WDFY3: variants seen among roughly 807,000 people sequenced by gnomAD.
WDFY3 encodes WD repeat and FYVE domain containing 3.
In WDFY3, 66 loss-of-function variants were observed where a neutral mutation model predicts 409.6. The observed-to-expected ratio is 0.16, with a 90% CI of 0.13 to 0.20. The LOEUF (loss-of-function observed/expected upper bound fraction) is 0.20. Ranked by LOEUF, WDFY3 falls within the 10% of genes least tolerant of loss-of-function variation. The pLI is 1.00. For synonymous variants in WDFY3, 1,521 were observed against 1,537.1 expected, an observed-to-expected ratio of 0.99 and a Z score of 0.25; for missense variants, 3,031 against 4,298.1, an observed-to-expected ratio of 0.71 and a Z score of 8.24.
At chr4:84,843,587 C>T (rs1006935442) in intron 5 of WDFY3, among the ~76,000 whole-genome samples, 4 of 152,038 alleles carry the variant, frequency 2.6e-5, no homozygotes, top group Admixed American at 6.6e-5. Context: ...TTTGTAGAGA[C>T]AGAGTATCGC....
chr4:84,819,399 T>C (rs1180363685), intron 12 of WDFY3, among the ~76,000 whole-genome samples: 2 of 152,038 alleles, frequency 1.3e-5, no homozygotes, highest in Admixed American at 6.6e-5. Context: ...TCAAGCTCCT[T>C]ACCATGGCCT....
chr4:84,798,097 C>T lies in WDFY3; in HGVS notation c.2834G>A (p.Arg945His), dbSNP rs766953747. 6.2e-7 allele frequency: 1 copy of T among 1,611,264 alleles called. No individual in the cohort carries two copies. Among genetic ancestry groups the T allele is most frequent in the Non-Finnish European group, 8.5e-7 (1 of 1,178,848 alleles). The change falls in exon 18 of 68, where the codon CGT becomes CAT. Residue 945 changes from arginine to histidine, a missense_variant. Transcript: ENST00000295888. ...ACCACAATTTAAAGGACTTGCCAAA[C>T]GTAAAAACTCCCTAAGAAAGAGACA... ...LEPMVLREFL[R>H]LASPLNCGAW...
rs1320472102 is a variant in WDFY3, at chr4:84,698,618, C to T, written c.8597-1795G>A. Among the ~76,000 whole-genome samples, 4 of 152,182 alleles carry T rather than the reference C, an allele frequency of 2.6e-5. No individual in the cohort carries two copies. In the East Asian group the frequency reaches 5.8e-4, roughly 22 times the overall value. ...TCTCCTCCATGTGTATCCAAGGATG[C>T]ATGGACAAGAAGACCCCAGGGTGAA... On this transcript the variant is annotated intron_variant, in intron 56 of 67. Transcript: ENST00000295888.
Position 84,736,277 on chromosome 4 carries a change from G to C in WDFY3, c.6808C>G (p.Gln2270Glu). 1 of 1,612,530 alleles carries C rather than the reference G, an allele frequency of 6.2e-7. No homozygotes were observed. The highest frequency in any genetic ancestry group is 2.2e-5 in the East Asian group (1 of 44,840). Residue 2270 changes from glutamine to glutamate, a missense_variant, in exon 42 of 68, where the codon CAG becomes GAG. By Grantham distance (29) the Gln-to-Glu change is conservative (BLOSUM62 2). Transcript: ENST00000295888. ...SRGEALAPTT[Q>E]SKLSRVSSGF... is the part of the protein sequence containing the mutation. Reference sequence around the variant, plus strand: ...CTGCTGACACGGGATAATTTGGACTGTGTGGTGGGCGCTAAAGCTTCTCCT... The same window carrying C: ...CTGCTGACACGGGATAATTTGGACTCTGTGGTGGGCGCTAAAGCTTCTCCT...
intron 27 of WDFY3, among the ~76,000 whole-genome samples, chr4:84,777,651 C>T (rs1745783237): frequency 6.6e-6 from 1 of 151,930 alleles, no homozygotes; most frequent in African/African-American, 2.4e-5. Flanking sequence ...CAATAATTGA[C>T]AAAACAGAGC....
chr4:84,861,105 G>A (rs562441678), intron 3 of WDFY3, among the ~76,000 whole-genome samples: 2 of 152,250 alleles, frequency 1.3e-5, no homozygotes, highest in Non-Finnish European at 2.9e-5. Flanking sequence ...CAAGTACTCA[G>A]GAGGCTGAGG....
chr4:84,756,861 C>A, intron 33 of WDFY3, 65 bp downstream of exon 33: 1 of 1,469,672 alleles, frequency 6.8e-7, no homozygotes. Flanking sequence ...CAGTGATTAT[C>A]CATTATCCTA....
At chr4:84,803,210 C>T (rs1218370183) in intron 16 of WDFY3, 80 bp downstream of exon 16, 1 of 1,387,314 alleles carries the variant, frequency 7.2e-7, no homozygotes, top group Admixed American at 2.9e-5. Flanking sequence ...CTTCCTCAAC[C>T]CCCTAGCTCA....
At chr4:84,953,937 A>G (rs1773929871) in intron 1 of WDFY3, among the ~76,000 whole-genome samples, 1 of 152,148 alleles carries the variant, frequency 6.6e-6, no homozygotes, top group Non-Finnish European at 1.5e-5. Context: ...CTACTCATTA[A>G]GTGTCCATAG....
chr4:84,702,968 C>T (rs953857628), intron 55 of WDFY3, among the ~76,000 whole-genome samples: 10 of 151,906 alleles, frequency 6.6e-5, no homozygotes, highest in Non-Finnish European at 1.5e-4. Flanking sequence ...AGGTGGCGGG[C>T]GCCTGTAGTC....
intron 7 of WDFY3, among the ~76,000 whole-genome samples, chr4:84,832,397 A>C (rs931105543): frequency 6.6e-6 from 1 of 152,166 alleles, no homozygotes; most frequent in Non-Finnish European, 1.5e-5. Flanking sequence ...AGTTGGGAGT[A>C]AGTTCTAGTG....
chr4:84,939,574 C>T (rs986627439), intron 1 of WDFY3, among the ~76,000 whole-genome samples: 1 of 152,032 alleles, frequency 6.6e-6, no homozygotes, highest in Non-Finnish European at 1.5e-5. Flanking sequence ...TTCCTTTCTC[C>T]TCTATTCATT....
intron 67 of WDFY3, 147 bp downstream of exon 67, chr4:84,677,052 A>G: frequency 4.5e-6 from 4 of 895,414 alleles, no homozygotes; most frequent in Non-Finnish European, 3.2e-6. Context: ...AGTAATAAAG[A>G]AGAACAGAAA....
intron 23 of WDFY3, among the ~76,000 whole-genome samples, chr4:84,786,528 G>A (rs1273246706): frequency 2.0e-5 from 3 of 152,152 alleles, no homozygotes; most frequent in African/African-American, 7.2e-5. Context: ...AAAGCACTCA[G>A]ATATGCCTGC....
At chr4:84,918,820 TATATATAG>T (rs1579122849) in intron 2 of WDFY3, among the ~76,000 whole-genome samples, 1 of 132,586 alleles carries the variant, frequency 7.5e-6, no homozygotes, top group East Asian at 2.2e-4. Context: ...TGTGTGTATA[TATATATAG>T]ATATATATAT....
At chr4:84,747,049 T>G (rs371637746) in intron 36 of WDFY3, among the ~76,000 whole-genome samples, 1 of 152,194 alleles carries the variant, frequency 6.6e-6, no homozygotes, top group Non-Finnish European at 1.5e-5. Context: ...TAGATAAGAC[T>G]GGTTGGCCCA....
At chr4:84,852,521 A>T (rs1252652121) in intron 4 of WDFY3, among the ~76,000 whole-genome samples, 2 of 152,204 alleles carry the variant, frequency 1.3e-5, no homozygotes, top group Non-Finnish European at 2.9e-5. Flanking sequence ...CCTCAAATTA[A>T]GTTGAAAATG....
Position 84,671,438 on chromosome 4 carries a change from C to G in WDFY3, c.*1430G>C, listed in dbSNP as rs1179986249. The stretch of plus-strand genomic sequence containing the variant: ...TTTAGAATTGTTCATAATGTTATCA[C>G]TAAGTTTCTGAAAATGTTAAAATCT... On this transcript the variant is annotated 3_prime_UTR_variant, in exon 68 of 68. Coordinates refer to ENST00000295888, the MANE Select transcript of WDFY3 (RefSeq NM_014991.6). The G allele has an allele frequency of 6.6e-6, 1 of 151,716 alleles. No individual in the cohort carries two copies. Among genetic ancestry groups the G allele is most frequent in the Non-Finnish European group, 1.5e-5 (1 of 67,888 alleles). 9.4% of individuals were successfully genotyped at this position (151,716 alleles called of 1,614,324 possible). A position where few individuals can be genotyped will look rare whatever the true frequency, so the allele number is the denominator to read the frequency against.
intron 40 of WDFY3, 106 bp from the exon 41 acceptor site, chr4:84,737,472 AC>A: frequency 1.6e-6 from 2 of 1,287,460 alleles, no homozygotes. Context: ...AATTTCGACT[AC>A]AGTATTTAAT....
Sources: allele counts gnomAD v4.1 joint callset (sites outside exome capture counted in the v4.1 genomes callset), GRCh38; gene constraint gnomAD v4.1.1; transcripts MANE v1.5; gene names NCBI Gene and HGNC (gene_info 2026-07-23, HGNC 2026-07-21).